Variants in KIF5C observed in about 807,000 individuals in gnomAD.
KIF5C encodes kinesin heavy chain isoform 5C.
A neutral mutation model predicts 125.2 loss-of-function variants in KIF5C; 18 were observed. That is an observed-to-expected ratio of 0.14 (90% CI 0.10 to 0.21). The LOEUF (loss-of-function observed/expected upper bound fraction) is 0.21, where lower values mean the gene tolerates loss of function less well. Among genes scored for constraint, KIF5C ranks in the 10% least tolerant of loss-of-function variants. The pLI, the probability that KIF5C is intolerant of heterozygous loss-of-function variation, is 1.00. For synonymous variants in KIF5C, 405 were observed against 434.0 expected, an observed-to-expected ratio of 0.93 and a Z score of 0.83; for missense variants, 780 against 1,183.8, an observed-to-expected ratio of 0.66 and a Z score of 5.01.
intron 11 of KIF5C, among the ~76,000 whole-genome samples, chr2:148,969,459 G>GTGTGTA (rs1558923791): frequency 2.0e-5 from 3 of 151,330 alleles, no homozygotes; most frequent in South Asian, 2.1e-4. Context: ...GTGTGTGTGT[G>GTGTGTA]TGTATGTGTG....
At chr2:148,972,097 G>A (rs918570268) in intron 11 of KIF5C, among the ~76,000 whole-genome samples, 1 of 152,188 alleles carries the variant, frequency 6.6e-6, no homozygotes, top group African/African-American at 2.4e-5. Flanking sequence ...ACCACACCCA[G>A]CCAATTTTTG....
Position 148,966,617 on chromosome 2 carries a change from T to C in KIF5C, c.1117+4498T>C, listed in dbSNP as rs542620853. On this transcript the variant is annotated intron_variant, in intron 11 of 25. Coordinates refer to ENST00000435030, the MANE Select transcript of KIF5C (RefSeq NM_004522.3). The stretch of plus-strand genomic sequence containing the variant: ...GGTTGCTCTCGCCCTCCCCCACACC[T>C]CCACCTGTACCAATTTTCAACCCTT... 2.8e-4 allele frequency among the ~76,000 whole-genome samples: 43 copies of C among 152,224 alleles called. 1 individual carries two copies. Among genetic ancestry groups the C allele is most frequent in the African/African-American group, 9.6e-4 (40 of 41,550 alleles).
chr2:148,927,245 G>A (rs561971708), intron 2 of KIF5C, among the ~76,000 whole-genome samples: 1 of 152,266 alleles, frequency 6.6e-6, no homozygotes, highest in South Asian at 2.1e-4. Flanking sequence ...GGAGGCCTCG[G>A]GTGTGGCCTA....
At chr2:148,940,819 A>G (rs572071053) in intron 4 of KIF5C, among the ~76,000 whole-genome samples, 1 of 152,264 alleles carries the variant, frequency 6.6e-6, no homozygotes, top group East Asian at 1.9e-4. Flanking sequence ...GGTCTTGGTT[A>G]TGTGTGAATT....
rs143071356 is a variant in KIF5C, at chr2:148,997,676, C to T, written c.2100+336C>T. 301 of 285,834 alleles carry T rather than the reference C, an allele frequency of 1.1e-3. 2 individuals carry two copies. The highest frequency in any genetic ancestry group is 3.6e-3 in the African/African-American group (167 of 46,286). The allele number at this position is 285,834 out of a possible 1,614,324, so 17.7% of individuals were successfully genotyped here. On this transcript the variant is annotated intron_variant, in intron 18 of 25. Transcript: ENST00000435030. ...TAAGGATTTCTTCCTCCAACCTTTA[C>T]GCAGAACACACCAAATTTGAGTTTC...
intron 22 of KIF5C, 74 bp downstream of exon 22, chr2:149,005,538 T>C (rs1205568133): frequency 6.4e-7 from 1 of 1,573,324 alleles, no homozygotes; most frequent in Non-Finnish European, 8.6e-7. Context: ...TCAGTTGAAA[T>C]ATCACTTGCT....
chr2:148,962,910 A>G (rs1376318728), intron 11 of KIF5C, among the ~76,000 whole-genome samples: 1 of 152,186 alleles, frequency 6.6e-6, no homozygotes, highest in Non-Finnish European at 1.5e-5. Context: ...TCTTCATGCC[A>G]GAAATATAGG....
chr2:148,954,271 C>G (rs894320798), intron 10 of KIF5C, among the ~76,000 whole-genome samples: 1 of 152,158 alleles, frequency 6.6e-6, no homozygotes, highest in Non-Finnish European at 1.5e-5. Context: ...TCTCAAAGAG[C>G]TTTTAATCTA....
At position 148,991,130 on chromosome 2, in the gene KIF5C, A is replaced by G. The variant is rs746243601; in HGVS notation, c.1837A>G (p.Met613Val). 2.5e-6 allele frequency: 4 copies of G among 1,613,988 alleles called. No individual in the cohort carries two copies. The highest frequency in any genetic ancestry group is 8.5e-7 in the Non-Finnish European group (1 of 1,179,874). Residue 613 changes from methionine (M) to valine (V), a missense_variant, in exon 16 of 26, where the codon ATG becomes GTG. This residue lies in a region of KIF5C where 573 missense variants were observed against 742.6 expected (regional missense o/e 0.77). Transcript: ENST00000435030. ...NRSKQLESAQ[M>V]DSNRKMNASE... ...CAGCAAACAGCTCGAGAGCGCCCAG[A>G]TGGACTCCAACAGGAAGATGAATGC... is the stretch of plus-strand genomic sequence containing the variant.
chr2:148,875,804 C>A, intron 1 of KIF5C, 61 bp downstream of exon 1: 2 of 1,552,254 alleles, frequency 1.3e-6, no homozygotes, highest in Non-Finnish European at 1.7e-6. Flanking sequence ...CGCCCCGACG[C>A]CCCAGACGCA....
At chr2:149,001,894 G>C (rs1681861338) in intron 21 of KIF5C, among the ~76,000 whole-genome samples, 1 of 152,228 alleles carries the variant, frequency 6.6e-6, no homozygotes, top group African/African-American at 2.4e-5. Context: ...GGTGGGAACT[G>C]GTTGCTTGGG....
In KIF5C at chr2:148,882,590, C is replaced by G. The variant is rs1308977610; in HGVS notation, c.126+6847C>G. Among the ~76,000 whole-genome samples, 4 of 152,298 alleles carry G rather than the reference C, an allele frequency of 2.6e-5. No individual in the cohort carries two copies. The East Asian group carries it at 7.7e-4, about 29-fold the overall frequency. ...CAAGAAGATTAGGCTGCTCAATGCC[C>G]ATCCCTTTTCCCTCAGCTGCTCACA... On this transcript the variant is annotated intron_variant, in intron 1 of 25. Coordinates refer to ENST00000435030, the MANE Select transcript of KIF5C (RefSeq NM_004522.3).
At chr2:148,903,223 T>C (rs1308087218) in intron 1 of KIF5C, among the ~76,000 whole-genome samples, 1 of 152,230 alleles carries the variant, frequency 6.6e-6, no homozygotes, top group African/African-American at 2.4e-5. Context: ...ATAATGCTCA[T>C]GTTGCCTTTA....
At chr2:148,965,448 T>A (rs1002689696) in intron 11 of KIF5C, among the ~76,000 whole-genome samples, 5 of 152,102 alleles carry the variant, frequency 3.3e-5, no homozygotes, top group Non-Finnish European at 5.9e-5. Context: ...ACATTTGTAT[T>A]TAAAGGTGAT....
chr2:148,941,159 C>G (rs1392520285), intron 4 of KIF5C, among the ~76,000 whole-genome samples: 1 of 152,218 alleles, frequency 6.6e-6, no homozygotes, highest in Admixed American at 6.5e-5. Flanking sequence ...AGTTACCTTT[C>G]TGAGCTCTTG....
chr2:148,896,942 C>T (rs1680697947), intron 1 of KIF5C, among the ~76,000 whole-genome samples: 3 of 152,102 alleles, frequency 2.0e-5, no homozygotes, highest in Non-Finnish European at 2.9e-5. Flanking sequence ...AGGCGATTCT[C>T]CTGCCTCAGC....
At chr2:148,977,979 C>T (rs753901394) in intron 12 of KIF5C, among the ~76,000 whole-genome samples, 17 of 152,092 alleles carry the variant, frequency 1.1e-4, no homozygotes, top group South Asian at 2.1e-4. Context: ...GGACCTGGCA[C>T]GAAGAAGTGC....
chr2:148,892,033 T>A (rs992464198), intron 1 of KIF5C, among the ~76,000 whole-genome samples: 1 of 152,198 alleles, frequency 6.6e-6, no homozygotes, highest in Non-Finnish European at 1.5e-5. Context: ...AGGTAACTGC[T>A]CTTGTCATTT....
chr2:149,001,419 A>G lies in KIF5C; in HGVS notation c.2373+637A>G, dbSNP rs1264085292. Among the ~76,000 whole-genome samples the G allele has an allele frequency of 2.0e-5, 3 of 152,264 alleles. No individual in the cohort carries two copies. In the East Asian group the frequency reaches 5.8e-4, roughly 29 times the overall value. ...CGGGACTGTCCTGTTGGGGGCCAGCAGGGAGGTTTGTGTGGCTGCAGCTGA... is the reference window on the plus strand; with the variant it reads ...CGGGACTGTCCTGTTGGGGGCCAGCGGGGAGGTTTGTGTGGCTGCAGCTGA... On this transcript the variant is annotated intron_variant, in intron 21 of 25. Coordinates refer to ENST00000435030, the MANE Select transcript of KIF5C (RefSeq NM_004522.3).
Sources: gnomAD v4.1 joint callset for allele counts (sites outside exome capture counted in the v4.1 genomes callset) on GRCh38, gnomAD v4.1.1 for gene constraint, gnomAD v4.1.1 regional missense constraint, MANE v1.5 for transcripts, NCBI Gene and HGNC (gene_info 2026-07-23, HGNC 2026-07-21) for gene names.